The following PDE5A variants were observed in gnomAD, a reference collection of about 807,000 sequenced individuals.
The protein encoded by PDE5A is phosphodiesterase 5A, also known as cGMP-specific 3',5'-cyclic phosphodiesterase.
A neutral mutation model predicts 110.2 loss-of-function variants in PDE5A; 67 were observed. That is an observed-to-expected ratio of 0.61 (90% CI 0.50 to 0.75). PDE5A has a LOEUF of 0.75. PDE5A is among the 30% of genes least tolerant of loss of function. PDE5A has a pLI of 0.00. For synonymous variants in PDE5A, 328 were observed against 351.2 expected (o/e 0.93, Z 0.74); for missense variants, 862 against 1,045.1 (o/e 0.82, Z 2.42).
chr4:119,503,877 T>C (rs1463864540), intron 18 of PDE5A, among the ~76,000 whole-genome samples: 1 of 152,190 alleles, frequency 6.6e-6, no homozygotes, highest in Non-Finnish European at 1.5e-5. Context: ...TTTTTAATAC[T>C]ACTTAAAAAT....
At chr4:119,520,861 T>C (rs1452235038) in intron 13 of PDE5A, 74 bp downstream of exon 13, 2 of 1,243,524 alleles carry the variant, frequency 1.6e-6, no homozygotes, top group African/African-American at 1.5e-5. Flanking sequence ...TAAAGTGAAA[T>C]TGAAAGAATA....
rs760158117 is a variant in PDE5A at position 119,507,608 on chromosome 4, T to C, written c.2185A>G (p.Ile729Val). ...AILATDLALY[I>V]KRRGEFFELI... is the part of the protein sequence containing the mutation. ...AGGTTATTTCTTAAAACTTACTTAA[T>C]GTACAGTGCTAGGTCTGTAGCTAAA... Residue 729 changes from isoleucine to valine, a missense_variant, in exon 16 of 21, where the codon ATT (isoleucine) becomes GTT (valine). By Grantham distance (29) the Ile-to-Val change is conservative. Transcript: ENST00000354960. The C allele has an allele frequency of 3.2e-6, 5 of 1,550,626 alleles. No individual in the cohort carries two copies. Among genetic ancestry groups the C allele is most frequent in the Non-Finnish European group, 8.7e-7 (1 of 1,144,054 alleles).
At chr4:119,605,619 C>T (rs893376320) in intron 2 of PDE5A, among the ~76,000 whole-genome samples, 6 of 152,038 alleles carry the variant, frequency 3.9e-5, no homozygotes, top group Admixed American at 1.3e-4. Flanking sequence ...TGCACTCCAG[C>T]CTGGATAGCA....
In PDE5A at chr4:119,520,915, T is replaced by C; in HGVS notation, c.1905+20A>G. 3 of 1,598,432 alleles carry C rather than the reference T, an allele frequency of 1.9e-6. No individual in the cohort carries two copies. Among genetic ancestry groups the C allele is most frequent in the East Asian group, 2.2e-5 (1 of 44,460 alleles). On this transcript the variant is annotated intron_variant, in intron 13 of 20. Transcript: ENST00000354960. ...TAAGCAACAAAATGTATTAGATATA[T>C]GAATGGCTCTAAAAAGTACCTGAAT...
At chr4:119,624,636 A>G (rs1330246877) in intron 1 of PDE5A, among the ~76,000 whole-genome samples, 1 of 152,246 alleles carries the variant, frequency 6.6e-6, no homozygotes, top group Non-Finnish European at 1.5e-5. Flanking sequence ...AAAACAAAGC[A>G]ATAAAGTCAA....
chr4:119,528,218 T>G (rs907913252), intron 11 of PDE5A, among the ~76,000 whole-genome samples: 1 of 152,084 alleles, frequency 6.6e-6, no homozygotes, highest in East Asian at 1.9e-4. Flanking sequence ...ATAAGTCTTT[T>G]TATGATCCTT....
At chr4:119,600,630 G>C (rs1270655452) in intron 2 of PDE5A, among the ~76,000 whole-genome samples, 1 of 152,070 alleles carries the variant, frequency 6.6e-6, no homozygotes, top group Non-Finnish European at 1.5e-5. Flanking sequence ...CAGCAAATTT[G>C]TTATAATTTG....
intron 2 of PDE5A, among the ~76,000 whole-genome samples, chr4:119,597,310 T>C (rs1729187505): frequency 6.6e-6 from 1 of 151,940 alleles, no homozygotes; most frequent in Admixed American, 6.6e-5. Context: ...GAGGGTTTTT[T>C]TTTTTTTCTT....
Position 119,605,332 on chromosome 4 carries a change from C to T in PDE5A, c.741+1377G>A, listed in dbSNP as rs1020489991. Among the ~76,000 whole-genome samples the T allele has an allele frequency of 2.6e-5, 4 of 152,042 alleles. No individual in the cohort carries two copies. In the East Asian group the frequency reaches 7.7e-4, roughly 29 times the overall value. ...TTATTCAAATTTTCCGGGATCTGTA[C>T]CAGACATTGCTCCCTCAAAGAAATC... On this transcript the variant is annotated intron_variant, in intron 2 of 20. Coordinates refer to ENST00000354960, the MANE Select transcript of PDE5A (RefSeq NM_001083.4).
At chr4:119,502,397 A>AT (rs1725380013) in intron 19 of PDE5A, 184 bp downstream of exon 19, 6 of 467,894 alleles carry the variant, frequency 1.3e-5, no homozygotes, top group Non-Finnish European at 2.3e-5. Context: ...AGTCTTTATT[A>AT]TGCCTTTTAT....
At chr4:119,521,530 C>T (rs1327577845) in intron 12 of PDE5A, among the ~76,000 whole-genome samples, 2 of 151,500 alleles carry the variant, frequency 1.3e-5, no homozygotes, top group East Asian at 3.9e-4. Context: ...GTTGTATATC[C>T]GTGAAGGTAT....
rs143772386 is a variant in PDE5A at position 119,628,664 on chromosome 4, C to G, written c.8G>C (p.Arg3Pro). The change falls in exon 1 of 21, where the codon CGG (arginine) becomes CCG (proline). Residue 3 changes from arginine (R) to proline (P), a missense_variant. Transcript: ENST00000354960. ME[R>P]AGPSFGQQRQ... ...CTGCTGCCCGAAGCTGGGGCCGGCCCGCTCCATGGTTGGCACCGCGCGCCT... is the reference window on the plus strand; with the variant it reads ...CTGCTGCCCGAAGCTGGGGCCGGCCGGCTCCATGGTTGGCACCGCGCGCCT... 3.3e-4 allele frequency: 529 copies of G among 1,612,744 alleles called. 2 individuals carry two copies. The African/African-American group carries it at 6.4e-3, about 20-fold the overall frequency.
intron 14 of PDE5A, among the ~76,000 whole-genome samples, chr4:119,518,375 G>T (rs1022305313): frequency 2.0e-5 from 3 of 152,178 alleles, no homozygotes; most frequent in African/African-American, 7.2e-5. Context: ...TGCCACTTAA[G>T]TATGGCTCTT....
chr4:119,519,988 G>A (rs567426133), intron 13 of PDE5A, among the ~76,000 whole-genome samples: 2 of 152,126 alleles, frequency 1.3e-5, no homozygotes, highest in South Asian at 2.1e-4. Context: ...TTCAGATTAG[G>A]TATATTCAAC....
chr4:119,520,390 A>G (rs1046355402), intron 13 of PDE5A, among the ~76,000 whole-genome samples: 2 of 152,144 alleles, frequency 1.3e-5, no homozygotes, highest in Non-Finnish European at 2.9e-5. Context: ...GGAACGAATT[A>G]CTTGAACGTT....
At chr4:119,505,783 CAG>C (rs1725528728) in intron 17 of PDE5A, 70 bp downstream of exon 17, 2 of 836,376 alleles carry the variant, frequency 2.4e-6, no homozygotes, top group Non-Finnish European at 1.9e-6. Context: ...TAAAAACTAA[CAG>C]TGAGGAAAAA....
intron 11 of PDE5A, among the ~76,000 whole-genome samples, chr4:119,534,428 A>G (rs1428429341): frequency 2.0e-5 from 3 of 152,132 alleles, no homozygotes; most frequent in Non-Finnish European, 4.4e-5. Flanking sequence ...GCTCCTTATG[A>G]GAATCTAATG....
At chr4:119,570,775 T>G (rs1046383528) in intron 3 of PDE5A, among the ~76,000 whole-genome samples, 6 of 152,150 alleles carry the variant, frequency 3.9e-5, no homozygotes, top group Non-Finnish European at 8.8e-5. Flanking sequence ...AAGGACAGAC[T>G]ACAAATCATA....
intron 1 of PDE5A, among the ~76,000 whole-genome samples, chr4:119,610,396 T>C (rs1000159070): frequency 2.0e-5 from 3 of 152,240 alleles, no homozygotes; most frequent in South Asian, 2.1e-4. Context: ...AATATGGACA[T>C]GTTACTAAAC....
Sources: gnomAD v4.1 joint callset for allele counts (sites outside exome capture counted in the v4.1 genomes callset) on GRCh38, gnomAD v4.1.1 for gene constraint, MANE v1.5 for transcripts, NCBI Gene and HGNC (gene_info 2026-07-23, HGNC 2026-07-21) for gene names.